ABR: variants seen among roughly 807,000 people sequenced by gnomAD.
ABR encodes the protein active breakpoint cluster region-related protein.
ABR carries 35 observed loss-of-function variants against 107.2 expected under a neutral mutation model. The ratio of observed to expected loss-of-function variants is 0.33; its 90% CI spans 0.25 to 0.43. The LOEUF is 0.43. Among genes scored for constraint, ABR ranks in the 20% least tolerant of loss-of-function variants. The probability of loss-of-function intolerance (pLI) is 1.00; values close to 1 mark genes in which losing one functional copy is unlikely to be tolerated. For missense variants in ABR, 815 were observed against 1,115.2 expected (o/e 0.73, Z 3.83); for synonymous variants, 498 against 462.0 (o/e 1.08, Z -1.00).
intron 1 of ABR, among the ~76,000 whole-genome samples, chr17:1,185,725 C>A (rs2042274411): frequency 6.6e-6 from 1 of 151,632 alleles, no homozygotes; most frequent in Admixed American, 6.6e-5. Flanking sequence ...CTCCAGGCCT[C>A]CTATGAGCAC....
At chr17:1,059,007 G>C in intron 10 of ABR, 140 bp from the exon 11 acceptor site, 3 of 1,293,386 alleles carry the variant, frequency 2.3e-6, no homozygotes, top group Non-Finnish European at 3.2e-6. Flanking sequence ...CTTGTGGCAG[G>C]AGAGGCGGGT....
At chr17:1,181,680 G>C (rs1027708844), upstream of ABR, among the ~76,000 whole-genome samples, 2 of 152,198 alleles carry the variant, frequency 1.3e-5, no homozygotes, top group African/African-American at 4.8e-5. Flanking sequence ...CGCGAGGCCG[G>C]AGGAGCCATG....
chr17:1,070,934 G>A lies in ABR; in HGVS notation c.895-844C>T, dbSNP rs1457894960. On this transcript the variant is annotated intron_variant, in intron 8 of 22. Coordinates refer to ENST00000302538, the MANE Select transcript of ABR (RefSeq NM_021962.5). This position sits in a 1 kb window ranked among gnomAD's most constrained non-coding sequence, Gnocchi z 4.2. ...TCCCAGCAATTTGGGAGGCTGAGGC[G>A]GGTGGATCACCTGAGGTCAGGAGTT... Among the ~76,000 whole-genome samples the A allele has an allele frequency of 6.6e-6, 1 of 152,164 alleles. No individual in the cohort carries two copies.
At chr17:1,073,214 CACAGCAGGGGAGAGGGCCCTG>C (rs1392588427) in intron 7 of ABR, among the ~76,000 whole-genome samples, 2 of 151,112 alleles carry the variant, frequency 1.3e-5, no homozygotes, top group South Asian at 2.1e-4. Flanking sequence ...TCAGAGCCAG[CACAGCAGGGGAGAGGGCCCTG>C]GCTGCCCCCT....
chr17:1,201,692 TTTTGA>T (rs2042674602), intron 1 of ABR, among the ~76,000 whole-genome samples: 1 of 148,750 alleles, frequency 6.7e-6, no homozygotes, highest in Non-Finnish European at 1.5e-5. Flanking sequence ...TTGTTTGTTT[TTTTGA>T]GAGAGTCTCG....
upstream of ABR, among the ~76,000 whole-genome samples, chr17:1,180,721 C>A (rs541967125): frequency 1.1e-4 from 16 of 152,324 alleles, no homozygotes; most frequent in African/African-American, 3.8e-4. Context: ...GAAGTCGGGT[C>A]AAGAGGCCTG....
At chr17:1,160,673 C>T (rs577186390) in intron 1 of ABR, among the ~76,000 whole-genome samples, 77 of 152,284 alleles carry the variant, frequency 5.1e-4, no homozygotes, top group African/African-American at 1.6e-3. Flanking sequence ...CGAGCGCGTA[C>T]GAGGCTCTGG....
chr17:1,116,851 C>A (rs1044772394), intron 2 of ABR, among the ~76,000 whole-genome samples: 21 of 152,260 alleles, frequency 1.4e-4, no homozygotes, highest in African/African-American at 4.8e-4. Flanking sequence ...CAGCAGGGAC[C>A]CAAGATCCAG....
intron 1 of ABR, among the ~76,000 whole-genome samples, chr17:1,202,885 A>G (rs4968085): frequency 0.48 from 57,774 of 121,586 alleles, 12,139 homozygotes; most frequent in East Asian, 0.83. Flanking sequence ...TGTTTTTGCC[A>G]TTACTTTTTT....
intron 16 of ABR, among the ~76,000 whole-genome samples, chr17:1,017,121 G>T (rs968632868): frequency 5.9e-5 from 9 of 152,064 alleles, no homozygotes; most frequent in African/African-American, 1.7e-4. Flanking sequence ...TGCCCCTCAG[G>T]GAGAACCACT....
At chr17:1,205,932 C>T (rs1363759949) in intron 1 of ABR, among the ~76,000 whole-genome samples, 1 of 151,546 alleles carries the variant, frequency 6.6e-6, no homozygotes, top group Non-Finnish European at 1.5e-5. Context: ...CAGAGCAAGA[C>T]TCCGACTCGA....
chr17:1,055,931 G>A, intron 14 of ABR, 104 bp downstream of exon 14: 1 of 1,109,952 alleles, frequency 9.0e-7, no homozygotes, highest in Non-Finnish European at 1.4e-6. Context: ...GGCCTCCAGG[G>A]GAATGCCCCA....
intron 5 of ABR, among the ~76,000 whole-genome samples, chr17:1,079,725 G>T (rs1176667206): frequency 6.9e-6 from 1 of 145,754 alleles, no homozygotes; most frequent in Admixed American, 7.1e-5. Flanking sequence ...GGAGGCGGAG[G>T]TTGCAGTGAG....
chr17:1,061,608 G>A (rs975399882), intron 10 of ABR, among the ~76,000 whole-genome samples: 21 of 151,734 alleles, frequency 1.4e-4, no homozygotes, highest in African/African-American at 4.4e-4. Context: ...GTGCAGTGGC[G>A]TGATCTCGGC....
At chr17:1,226,085 G>C (rs575004092) in intron 1 of ABR, among the ~76,000 whole-genome samples, 30 of 152,286 alleles carry the variant, frequency 2.0e-4, no homozygotes, top group South Asian at 1.7e-3. Flanking sequence ...TGCCTGCCTG[G>C]AGCTTGCGTT....
Position 1,028,238 on chromosome 17 carries a change from C to A in ABR, c.1792-15074G>T, listed in dbSNP as rs4968076. Among the ~76,000 whole-genome samples, 33 of 151,568 alleles carry A rather than the reference C, an allele frequency of 2.2e-4. 1 individual carries two copies. The highest frequency in any genetic ancestry group is 6.6e-4 in the Admixed American group (10 of 15,160). ...CCCTAGCAGCTGGGATTACAGGTGC[C>A]CGCCACCATGCCCGGCTATTTTTTT... is the stretch of plus-strand genomic sequence containing the variant. On this transcript the variant is annotated intron_variant, in intron 16 of 22. Coordinates refer to ENST00000302538, the MANE Select transcript of ABR (RefSeq NM_021962.5).
chr17:1,048,583 C>A (rs1222425978), intron 16 of ABR, among the ~76,000 whole-genome samples: 1 of 136,012 alleles, frequency 7.4e-6, no homozygotes, highest in African/African-American at 2.5e-5. Context: ...GCGCCTGGAT[C>A]ACGTCCGGGG....
intron 1 of ABR, among the ~76,000 whole-genome samples, chr17:1,213,833 CTG>C (rs2042949408): frequency 6.6e-6 from 1 of 152,190 alleles, no homozygotes; most frequent in African/African-American, 2.4e-5. Flanking sequence ...AGCGACAAAA[CTG>C]TGAAAACAAG....
chr17:1,183,639 T>A (rs186477550), upstream of ABR, among the ~76,000 whole-genome samples: 186 of 152,096 alleles, frequency 1.2e-3, 2 homozygotes, highest in Admixed American at 0.011. Flanking sequence ...ATCTCCACAT[T>A]TCCTCCCTTC....
Sources: gnomAD v4.1 joint callset for allele counts (sites outside exome capture counted in the v4.1 genomes callset) on GRCh38, gnomAD v4.1.1 for gene constraint, Gnocchi (gnomAD v3.1) non-coding constraint, MANE v1.5 for transcripts, NCBI Gene and HGNC (gene_info 2026-07-23, HGNC 2026-07-21) for gene names.